KCNMA1: variants seen among roughly 807,000 people sequenced by gnomAD.
KCNMA1 encodes the protein Calcium-activated potassium channel subunit alpha-1.
A neutral mutation model predicts 140.0 loss-of-function variants in KCNMA1; 29 were observed. The ratio of observed to expected loss-of-function variants is 0.21; its 90% CI spans 0.15 to 0.28. The LOEUF (loss-of-function observed/expected upper bound fraction) is 0.28, where lower values mean the gene tolerates loss of function less well. Ranked by LOEUF, KCNMA1 falls within the 10% of genes least tolerant of loss-of-function variation. KCNMA1 has a pLI of 1.00. For synonymous variants in KCNMA1, 612 were observed against 611.9 expected (o/e 1.00, Z 0.00); for missense variants, 880 against 1,602.2 (o/e 0.55, Z 7.70).
chr10:77,113,648 G>A (rs1275987085), intron 6 of KCNMA1, among the ~76,000 whole-genome samples: 2 of 152,038 alleles, frequency 1.3e-5, no homozygotes, highest in Non-Finnish European at 2.9e-5. Flanking sequence ...ATTTTTAGTA[G>A]AGATGGAGTT....
At chr10:76,899,417 C>T (rs2044072051) in intron 25 of KCNMA1, among the ~76,000 whole-genome samples, 1 of 152,124 alleles carries the variant, frequency 6.6e-6, no homozygotes, top group Non-Finnish European at 1.5e-5. Flanking sequence ...TTATGAGAAC[C>T]ATAGCTTAGT....
chr10:77,413,204 T>A (rs547042817), intron 1 of KCNMA1, among the ~76,000 whole-genome samples: 51 of 152,296 alleles, frequency 3.3e-4, no homozygotes, highest in African/African-American at 1.2e-3. Flanking sequence ...ACAATAACTA[T>A]GACATCCTGT....
At chr10:77,160,370 GACTCA>G (rs1333399756) in intron 5 of KCNMA1, among the ~76,000 whole-genome samples, 4 of 152,096 alleles carry the variant, frequency 2.6e-5, no homozygotes, top group African/African-American at 7.2e-5. Context: ...CATGTTTTAA[GACTCA>G]ACTCAAGTCC....
rs556531445 is a variant in KCNMA1, at chr10:76,918,134, G to A, written c.2903-3085C>T. ...CTGAAGTCTCTCTACATTAAACAACGCCCTAGTTCTGCATGTGAACACACT... is the reference window on the plus strand; with the variant it reads ...CTGAAGTCTCTCTACATTAAACAACACCCTAGTTCTGCATGTGAACACACT... On this transcript the variant is annotated intron_variant, in intron 23 of 27. Coordinates refer to ENST00000286628, the MANE Select transcript of KCNMA1 (RefSeq NM_001161352.2). Among the ~76,000 whole-genome samples, 13 of 152,210 alleles carry A rather than the reference G, an allele frequency of 8.5e-5. No homozygotes were observed. In the East Asian group the frequency reaches 1.9e-3, roughly 23 times the overall value.
At chr10:77,342,688 C>T (rs1052178688) in intron 2 of KCNMA1, among the ~76,000 whole-genome samples, 3 of 152,168 alleles carry the variant, frequency 2.0e-5, no homozygotes, top group Admixed American at 6.5e-5. Context: ...TGCTTGCAAA[C>T]TACAGAGGTG....
At position 76,885,927 on chromosome 10, in the gene KCNMA1, G is replaced by A; in HGVS notation, c.*1339C>T. 1.0e-6 allele frequency: 1 copy of A among 985,416 alleles called. No individual in the cohort carries two copies. Among genetic ancestry groups the A allele is most frequent in the Non-Finnish European group, 1.2e-6 (1 of 829,924 alleles). 61.0% of individuals were successfully genotyped at this position (985,416 alleles called of 1,614,324 possible). Reference sequence around the variant, plus strand: ...CTCTTCTTATCCCACGTCTCATAATGACAAGGAGCAGCTCTCTATTGCCGT... The same window carrying A: ...CTCTTCTTATCCCACGTCTCATAATAACAAGGAGCAGCTCTCTATTGCCGT... On this transcript the variant is annotated 3_prime_UTR_variant, in exon 28 of 28. Coordinates refer to ENST00000286628, the MANE Select transcript of KCNMA1 (RefSeq NM_001161352.2).
intron 1 of KCNMA1, among the ~76,000 whole-genome samples, chr10:77,576,138 C>A (rs1039009735): frequency 4.6e-5 from 7 of 152,298 alleles, no homozygotes; most frequent in Non-Finnish European, 1.5e-5. Flanking sequence ...TTGGGTGGAA[C>A]CTGTGCTGCT....
At chr10:77,331,975 T>C (rs1308794490) in intron 2 of KCNMA1, among the ~76,000 whole-genome samples, 2 of 152,138 alleles carry the variant, frequency 1.3e-5, no homozygotes, top group South Asian at 4.1e-4. Flanking sequence ...AATTAGACCA[T>C]GCACATAGAT....
chr10:77,367,647 C>T (rs1453792243), intron 2 of KCNMA1, among the ~76,000 whole-genome samples: 1 of 152,156 alleles, frequency 6.6e-6, no homozygotes, highest in Non-Finnish European at 1.5e-5. Context: ...TAGCCACCAC[C>T]ATAATCAAGA....
intron 2 of KCNMA1, among the ~76,000 whole-genome samples, chr10:77,319,270 C>G (rs533477152): frequency 3.9e-5 from 6 of 152,246 alleles, no homozygotes; most frequent in Non-Finnish European, 8.8e-5. Flanking sequence ...CACCCCATCA[C>G]CACCCCATGC....
At chr10:76,915,607 ATTTGTTTG>A (rs535599042) in intron 23 of KCNMA1, among the ~76,000 whole-genome samples, 4 of 152,046 alleles carry the variant, frequency 2.6e-5, no homozygotes, top group Non-Finnish European at 1.5e-5. Flanking sequence ...AGCCGCTGAG[ATTTGTTTG>A]TTTGTTTGTT....
intron 1 of KCNMA1, among the ~76,000 whole-genome samples, chr10:77,610,972 T>A (rs1230857527): frequency 1.3e-5 from 2 of 152,238 alleles, no homozygotes; most frequent in African/African-American, 4.8e-5. Flanking sequence ...AATTCCTGGC[T>A]TAAGCCATGA....
intron 2 of KCNMA1, among the ~76,000 whole-genome samples, chr10:77,324,965 C>CTG (rs1275669100): frequency 5.9e-4 from 63 of 106,132 alleles, no homozygotes; most frequent in African/African-American, 2.4e-3. Context: ...CTCTCTCTCT[C>CTG]TCTCTCTGTG....
intron 1 of KCNMA1, among the ~76,000 whole-genome samples, chr10:77,516,785 C>T (rs1186278097): frequency 6.6e-6 from 1 of 152,138 alleles, no homozygotes; most frequent in African/African-American, 2.4e-5. Context: ...GTGTAAGAGG[C>T]TAAAACGGGG....
At chr10:77,540,056 C>T (rs12220957) in intron 1 of KCNMA1, among the ~76,000 whole-genome samples, 23,664 of 152,146 alleles carry the variant, frequency 0.16, 2,551 homozygotes, top group East Asian at 0.52. Flanking sequence ...TCTGGACCAT[C>T]CCTTGGAGCA....
intron 23 of KCNMA1, among the ~76,000 whole-genome samples, chr10:76,932,605 G>C (rs984017509): frequency 2.6e-5 from 4 of 152,034 alleles, no homozygotes; most frequent in Non-Finnish European, 1.5e-5. Context: ...TTTTGGGGTG[G>C]GGTCATTTAA....
At chr10:77,540,259 G>A (rs148620256) in intron 1 of KCNMA1, among the ~76,000 whole-genome samples, 247 of 152,318 alleles carry the variant, frequency 1.6e-3, no homozygotes, top group Admixed American at 6.8e-3. Context: ...GAGCAATAAG[G>A]CAAAGCTGGG....
chr10:77,419,346 C>T (rs977009727), intron 1 of KCNMA1, among the ~76,000 whole-genome samples: 4 of 152,170 alleles, frequency 2.6e-5, no homozygotes, highest in African/African-American at 9.7e-5. Flanking sequence ...CCATCCAGCC[C>T]TTAGCACTGA....
intron 5 of KCNMA1, among the ~76,000 whole-genome samples, chr10:77,162,619 A>T (rs71475641): frequency 0.12 from 18,949 of 152,124 alleles, 1,457 homozygotes; most frequent in Middle Eastern, 0.2. Context: ...AATTTTTTTT[A>T]AATCTTTCTT....
Sources: allele counts gnomAD v4.1 joint callset (sites outside exome capture counted in the v4.1 genomes callset), GRCh38; gene constraint gnomAD v4.1.1; transcripts MANE v1.5; gene names NCBI Gene and HGNC (gene_info 2026-07-23, HGNC 2026-07-21).